The following ANKRD37 variants were observed in gnomAD, a reference collection of about 807,000 sequenced individuals.
The protein encoded by ANKRD37 is ankyrin repeat domain-containing protein 37.
Under a neutral mutation model 19.7 loss-of-function variants are expected in ANKRD37, and 17 were observed. That is an observed-to-expected ratio of 0.86 (90% confidence interval 0.59 to 1.29). ANKRD37 has a LOEUF of 1.29. ANKRD37 is among the 50% of genes most tolerant of loss of function. The pLI is 0.00. For synonymous variants in ANKRD37, 79 were observed against 74.5 expected, an observed-to-expected ratio of 1.06 and a Z score of -0.31; for missense variants, 207 against 190.4, an observed-to-expected ratio of 1.09 and a Z score of -0.51.
chr4:185,399,867 C>G, intron 4 of ANKRD37, 94 bp downstream of exon 4: 1 of 1,560,380 alleles, frequency 6.4e-7, no homozygotes, highest in South Asian at 1.2e-5. Context: ...ACTCGTATTT[C>G]TAGTAGTATT....
chr4:185,400,669 T>C, downstream of ANKRD37: 1 of 423,868 alleles, frequency 2.4e-6, no homozygotes, highest in East Asian at 3.5e-5. Flanking sequence ...TTTTGAACTT[T>C]TAATTCTATG....
In ANKRD37 at chr4:185,400,102, T is replaced by C; in HGVS notation, c.*85T>C. The stretch of plus-strand genomic sequence containing the variant: ...TCCTGCTTTTGGCTTTACCATATGT[T>C]GTGTCTAATCTCCTTCTGAGAAGGA... On this transcript the variant is annotated 3_prime_UTR_variant, in exon 5 of 5. Coordinates refer to ENST00000335174, the MANE Select transcript of ANKRD37 (RefSeq NM_181726.4). 7.8e-7 allele frequency: 1 copy of C among 1,284,760 alleles called. No homozygotes were observed. The highest frequency in any genetic ancestry group is 1.1e-6 in the Non-Finnish European group (1 of 909,408). 79.6% of individuals were successfully genotyped at this position (1,284,760 alleles called of 1,614,324 possible). A position where few individuals can be genotyped will look rare whatever the true frequency, so the allele number is the denominator to read the frequency against.
chr4:185,400,391 T>C, downstream of ANKRD37: 1 of 1,610,292 alleles, frequency 6.2e-7, no homozygotes, highest in East Asian at 2.2e-5. Flanking sequence ...TCCAAGATAT[T>C]TTAAATCATA....
intron 2 of ANKRD37, 122 bp from the exon 3 acceptor site, chr4:185,398,813 AAT>A: frequency 5.8e-6 from 3 of 515,038 alleles, no homozygotes; most frequent in Non-Finnish European, 6.3e-6. Flanking sequence ...AAAAAAAAAA[AAT>A]TCCCTGTCCA....
In ANKRD37 at chr4:185,399,690, T is replaced by C. The variant is rs777135694; in HGVS notation, c.393T>C (p.Pro131=). 7 of 1,614,036 alleles carry C rather than the reference T, an allele frequency of 4.3e-6. No homozygotes were observed. The highest frequency in any genetic ancestry group is 1.6e-4 in the Middle Eastern group (1 of 6,084). Residue 131 remains proline, a synonymous_variant, in exon 4 of 5, where the codon CCT becomes CCC. Transcript: ENST00000335174. ...AGACAATAAAAGCAAGTGAACACCCTGACAGGAATGATTGTGTTGCCGTGC... is the reference window on the plus strand; with the variant it reads ...AGACAATAAAAGCAAGTGAACACCCCGACAGGAATGATTGTGTTGCCGTGC... The part of the protein sequence containing the change: ...CMQTIKASEH[P]DRNDCVAVLR...
chr4:185,396,884 T>C lies in ANKRD37; in HGVS notation c.-40T>C, dbSNP rs1360027407. 5.0e-6 allele frequency: 8 copies of C among 1,610,922 alleles called. No individual in the cohort carries two copies. Among genetic ancestry groups the C allele is most frequent in the Non-Finnish European group, 6.8e-6 (8 of 1,178,880 alleles). ...GGGTGCGGCGAGTGTCTCACCTCTCTGCACTTCCAAGGACTCTTGTCATCT... is the reference window on the plus strand; with the variant it reads ...GGGTGCGGCGAGTGTCTCACCTCTCCGCACTTCCAAGGACTCTTGTCATCT... On this transcript the variant is annotated 5_prime_UTR_variant, in exon 1 of 5. Transcript: ENST00000335174.
At position 185,399,737 on chromosome 4, in the gene ANKRD37, G is replaced by T; in HGVS notation, c.440G>T (p.Gly147Val). 6.2e-7 allele frequency: 1 copy of T among 1,614,112 alleles called. No individual in the cohort carries two copies. The highest frequency in any genetic ancestry group is 8.5e-7 in the Non-Finnish European group (1 of 1,180,004). ...GTGCTCAGACAGAAACGGAGTCTCG[G>T]AAGTGTAGAAAATACCAGTGGGAAA... is the stretch of plus-strand genomic sequence containing the variant. ...VAVLRQKRSL[G>V]SVENTSGKRK... is the part of the protein sequence containing the mutation. Residue 147 changes from glycine (G) to valine (V), a missense_variant, in exon 4 of 5, where the codon GGA becomes GTA. Transcript: ENST00000335174.
chr4:185,400,088 G>T lies in ANKRD37; in HGVS notation c.*71G>T. 7.1e-7 allele frequency: 1 copy of T among 1,400,078 alleles called. No individual in the cohort carries two copies. Among genetic ancestry groups the T allele is most frequent in the Non-Finnish European group, 9.9e-7 (1 of 1,007,896 alleles). The allele number at this position is 1,400,078 out of a possible 1,614,324, so 86.7% of individuals were successfully genotyped here. On this transcript the variant is annotated 3_prime_UTR_variant, in exon 5 of 5. Transcript: ENST00000335174. ...GCAAATCTATAAGCTCCTGCTTTTGGCTTTACCATATGTTGTGTCTAATCT... is the reference window on the plus strand; with the variant it reads ...GCAAATCTATAAGCTCCTGCTTTTGTCTTTACCATATGTTGTGTCTAATCT...
In ANKRD37 at chr4:185,399,159, ATGT is replaced by A. The variant is rs1580040978; in HGVS notation, c.272+133_272+135del. Reference sequence around the variant, plus strand: ...TGATAATTTAGTGTTAATCATTTAAATGTTAACTTAGGTTGTTGGTGCTATCGA... The same window carrying A: ...TGATAATTTAGTGTTAATCATTTAAATAACTTAGGTTGTTGGTGCTATCGA... On this transcript the variant is annotated intron_variant, in intron 3 of 4. Coordinates refer to ENST00000335174, the MANE Select transcript of ANKRD37 (RefSeq NM_181726.4). 1.1e-5 allele frequency: 9 copies of A among 805,836 alleles called. No individual in the cohort carries two copies. In the East Asian group the frequency reaches 2.2e-4, roughly 20 times the overall value. 49.9% of individuals were successfully genotyped at this position (805,836 alleles called of 1,614,324 possible).
At chr4:185,399,127 G>T (rs1031419644) in intron 3 of ANKRD37, 99 bp downstream of exon 3, 3 of 989,972 alleles carry the variant, frequency 3.0e-6, no homozygotes, top group Non-Finnish European at 4.7e-6. Flanking sequence ...AATAATGCTT[G>T]CGTAATTGAT....
intron 3 of ANKRD37, among the ~76,000 whole-genome samples, chr4:185,399,325 C>T (rs1352264179): frequency 6.6e-6 from 1 of 152,148 alleles, no homozygotes; most frequent in African/African-American, 2.4e-5. Context: ...CCTTTGGGTA[C>T]TCATACACTG....
In ANKRD37 at chr4:185,397,213, A is replaced by C. The variant is rs769077794; in HGVS notation, c.91A>C (p.Lys31Gln). 12 of 1,613,984 alleles carry C rather than the reference A, an allele frequency of 7.4e-6. No homozygotes were observed. The highest frequency in any genetic ancestry group is 1.7e-4 in the Middle Eastern group (1 of 6,024). The change falls in exon 2 of 5, where the codon AAG becomes CAG. Residue 31 changes from lysine to glutamine, a missense_variant. Lys to Gln is a moderately conservative substitution (Grantham distance 53, BLOSUM62 1). Coordinates refer to ENST00000335174, the MANE Select transcript of ANKRD37 (RefSeq NM_181726.4). ...ASVNAPPDPC[K>Q]QSPVHLAAGS... ...GGTCAACGCACCCCCGGATCCCTGC[A>C]AGCAGTCGCCTGTCCACTTAGCCGC...
Position 185,399,621 on chromosome 4 carries a change from AT to A in ANKRD37, c.327del (p.Pro110GlnfsTer16). The A allele has an allele frequency of 6.2e-7, 1 of 1,614,200 alleles. No individual in the cohort carries two copies. Among genetic ancestry groups the A allele is most frequent in the Non-Finnish European group, 8.5e-7 (1 of 1,180,026 alleles). Reference protein sequence around the residue: ...TAEDLAWSCGFPDCAKFLTTI... With the variant: ...TAEDLAWSCGXPDCAKFLTTI... ...CTGAAGATCTCGCTTGGTCATGTGG[AT>A]TTCCAGACTGTGCCAAGTTTCTTAC... On this transcript the variant is annotated frameshift_variant, in exon 4 of 5. Coordinates refer to ENST00000335174, the MANE Select transcript of ANKRD37 (RefSeq NM_181726.4). LOFTEE classifies it high-confidence loss of function.
At chr4:185,397,348 GACAC>G (rs757317860) in intron 2 of ANKRD37, 46 bp downstream of exon 2, 29 of 1,592,744 alleles carry the variant, frequency 1.8e-5, no homozygotes, top group African/African-American at 2.7e-5. Flanking sequence ...CTCCAACCCA[GACAC>G]ACACAAACAT....
At chr4:185,397,389 C>T (rs2095506171) in intron 2 of ANKRD37, 87 bp downstream of exon 2, 4 of 1,500,710 alleles carry the variant, frequency 2.7e-6, no homozygotes, top group Non-Finnish European at 3.6e-6. Flanking sequence ...GTTGTTTCAG[C>T]TGTTAAAAAC....
chr4:185,400,493 C>T (rs191256886), downstream of ANKRD37: 778 of 1,596,628 alleles, frequency 4.9e-4, 5 homozygotes, highest in African/African-American at 9.3e-3. Flanking sequence ...ATAGAGAAGA[C>T]GGGAAAGGAA....
At chr4:185,397,043 C>T in intron 1 of ANKRD37, 93 bp downstream of exon 1, 1 of 1,608,956 alleles carries the variant, frequency 6.2e-7, no homozygotes, top group Non-Finnish European at 8.5e-7. Context: ...GACCACTGGG[C>T]GCTGCCTGGT....
At chr4:185,400,652 G>C, downstream of ANKRD37, 2 of 439,080 alleles carry the variant, frequency 4.6e-6, no homozygotes, top group Non-Finnish European at 8.1e-6. Context: ...TACCCTTTAA[G>C]GTAGGTTTTT....
chr4:185,397,203 G>T lies in ANKRD37; in HGVS notation c.81G>T (p.Pro27=). Reference sequence around the variant, plus strand: ...CAGGGGCCTCGGTCAACGCACCCCCGGATCCCTGCAAGCAGTCGCCTGTCC... The same window carrying T: ...CAGGGGCCTCGGTCAACGCACCCCCTGATCCCTGCAAGCAGTCGCCTGTCC... ...LETGASVNAP[P]DPCKQSPVHL... The change falls in exon 2 of 5, where the codon CCG becomes CCT. Residue 27 remains proline (P), a synonymous_variant. Coordinates refer to ENST00000335174, the MANE Select transcript of ANKRD37 (RefSeq NM_181726.4). 2 of 1,613,978 alleles carry T rather than the reference G, an allele frequency of 1.2e-6. No individual in the cohort carries two copies. Among genetic ancestry groups the T allele is most frequent in the Non-Finnish European group, 1.7e-6 (2 of 1,180,014 alleles).
Sources: allele counts gnomAD v4.1 joint callset (sites outside exome capture counted in the v4.1 genomes callset), GRCh38; gene constraint gnomAD v4.1.1; transcripts MANE v1.5; gene names NCBI Gene and HGNC (gene_info 2026-07-23, HGNC 2026-07-21).